The following NDC80 variants were observed in gnomAD, a reference collection of about 807,000 sequenced individuals.
NDC80 encodes the protein kinetochore protein NDC80 homolog.
NDC80 carries 69 observed loss-of-function variants against 89.3 expected under a neutral mutation model. The ratio of observed to expected loss-of-function variants is 0.77; its 90% confidence interval spans 0.64 to 0.94. The LOEUF is 0.94. Ranked by LOEUF, NDC80 falls within the 40% of genes least tolerant of loss-of-function variation. NDC80 has a pLI of 0.00. For synonymous variants in NDC80, 243 were observed against 255.6 expected (o/e 0.95, Z 0.47); for missense variants, 593 against 739.6 (o/e 0.80, Z 2.30).
intron 16 of NDC80, among the ~76,000 whole-genome samples, chr18:2,614,024 C>T (rs938534558): frequency 3.3e-5 from 5 of 152,162 alleles, no homozygotes; most frequent in Admixed American, 6.5e-5. Flanking sequence ...ATGTCATATT[C>T]CACACTTAAG....
rs535640111 is a variant in NDC80 at position 2,615,643 on chromosome 18, G to A, written c.1792-794G>A. On this transcript the variant is annotated intron_variant, in intron 16 of 16. Transcript: ENST00000261597. ...TGGAATTAGGGCATGGACATCTTTG[G>A]AAAGGCTATTACTCAGCCTACTATA... is the stretch of plus-strand genomic sequence containing the variant. Among the ~76,000 whole-genome samples the A allele has an allele frequency of 2.0e-5, 3 of 152,270 alleles. No individual in the cohort carries two copies. In the South Asian group the frequency reaches 6.2e-4, roughly 32 times the overall value.
intron 10 of NDC80, chr18:2,595,052 C>T (rs1467279414): frequency 6.6e-6 from 1 of 152,172 alleles, no homozygotes; most frequent in Non-Finnish European, 1.5e-5. Flanking sequence ...TATGAAGCCA[C>T]ATTTTTTTTT....
intron 13 of NDC80, among the ~76,000 whole-genome samples, 191 bp from the exon 14 acceptor site, chr18:2,606,224 G>A (rs2072710846): frequency 6.6e-6 from 1 of 151,818 alleles, no homozygotes; most frequent in South Asian, 2.1e-4. Flanking sequence ...CGTTAACTTT[G>A]AGGTTTCTTT....
intron 16 of NDC80, chr18:2,614,476 A>AAAGAAAGAAAGG (rs1555619297): frequency 1.4e-3 from 6 of 4,280 alleles, no homozygotes; most frequent in South Asian, 7.7e-3. Flanking sequence ...AGAAAGAAAG[A>AAAGAAAGAAAGG]AAGAAAGGAA....
chr18:2,616,398 AT>A (rs763331297), intron 16 of NDC80, 38 bp from the exon 17 acceptor site: 110 of 1,334,514 alleles, frequency 8.2e-5, no homozygotes, highest in Admixed American at 3.3e-4. Flanking sequence ...AAAGAAATTA[AT>A]TTTTTTTACT....
In NDC80 at chr18:2,587,832, G is replaced by A; in HGVS notation, c.672G>A (p.Leu224=). 1 of 1,612,164 alleles carries A rather than the reference G, an allele frequency of 6.2e-7. No individual in the cohort carries two copies. Among genetic ancestry groups the A allele is most frequent in the Non-Finnish European group, 8.5e-7 (1 of 1,178,440 alleles). ...ETEDGIMHNK[L]FLDYTIKCYE... ...CTAAAATCTGCTTAACCCCATAGTT[G>A]TTTTTGGACTACACCATAAAATGCT... Residue 224 remains leucine (L), a splice_region_variant and synonymous_variant, in exon 8 of 17, where the codon TTG becomes TTA. Coordinates refer to ENST00000261597, the MANE Select transcript of NDC80 (RefSeq NM_006101.3).
In NDC80 at chr18:2,614,629, GAAAGAAAGAAAGAAAGAAAGAAAGAAAT is replaced by G. The variant is rs1424065582; in HGVS notation, c.1792-1804_1792-1777del. Among the ~76,000 whole-genome samples, 193 of 26,678 alleles carry G rather than the reference GAAAGAAAGAAAGAAAGAAAGAAAGAAAT, an allele frequency of 7.2e-3. 56 individuals carry two copies. Among genetic ancestry groups the G allele is most frequent in the African/African-American group, 0.013 (140 of 10,904 alleles). The allele number at this position is 26,678 out of a possible 152,430, so 17.5% of individuals were successfully genotyped here. A position where few individuals can be genotyped will look rare whatever the true frequency, so the allele number is the denominator to read the frequency against. On this transcript the variant is annotated intron_variant, in intron 16 of 16. Coordinates refer to ENST00000261597, the MANE Select transcript of NDC80 (RefSeq NM_006101.3). ...AGAAAGAAAGAAAGAAAGAAAGAAA[GAAAGAAAGAAAGAAAGAAAGAAAGAAAT>G]AAATTTGGCAATCCGAAAAACCAAC...
At chr18:2,610,480 A>C (rs1163354656) in intron 15 of NDC80, among the ~76,000 whole-genome samples, 1 of 152,210 alleles carries the variant, frequency 6.6e-6, no homozygotes, top group Non-Finnish European at 1.5e-5. Flanking sequence ...TTGAGTTTAC[A>C]ATCCCTTTGG....
intron 16 of NDC80, chr18:2,615,258 T>C (rs563556337): frequency 4.6e-5 from 7 of 152,320 alleles, no homozygotes; most frequent in African/African-American, 9.6e-5. Context: ...ATGTAACAAA[T>C]TACCACCAAC....
At chr18:2,614,594 A>AAAGAAAGG (rs2072770433) in intron 16 of NDC80, 1 of 7,010 alleles carries the variant, frequency 1.4e-4, no homozygotes, top group African/African-American at 8.8e-4. Context: ...AGAAAGAAAG[A>AAAGAAAGG]AAGAAAGAAA....
At position 2,614,639 on chromosome 18, in the gene NDC80, A is replaced by AAGAAAGAAAG. The variant is rs1568016488; in HGVS notation, c.1792-1796_1792-1787dup. On this transcript the variant is annotated intron_variant, in intron 16 of 16. Transcript: ENST00000261597. The stretch of plus-strand genomic sequence containing the variant: ...AAAGAAAGAAAGAAAGAAAGAAAGA[A>AAGAAAGAAAG]AGAAAGAAAGAAAGAAATAAATTTG... Among the ~76,000 whole-genome samples the AAGAAAGAAAG allele has an allele frequency of 3.3e-5, 3 of 91,706 alleles. 1 individual carries two copies. Among genetic ancestry groups the AAGAAAGAAAG allele is most frequent in the Non-Finnish European group, 7.3e-5 (3 of 41,048 alleles). 60.2% of individuals were successfully genotyped at this position (91,706 alleles called of 152,430 possible).
Position 2,575,028 on chromosome 18 carries a change from A to T in NDC80, c.141A>T (p.Lys47Asn). ...KPTFGKLSIN[K>N]PTSERKVSLF... Reference sequence around the variant, plus strand: ...CCTTTGGAAAGTTGAGTATAAACAAACCGACATCTGAAAGAAAAGTCTCGC... The same window carrying T: ...CCTTTGGAAAGTTGAGTATAAACAATCCGACATCTGAAAGAAAAGTCTCGC... The change falls in exon 3 of 17, where the codon AAA (lysine) becomes AAT (asparagine). Residue 47 changes from lysine to asparagine, a missense_variant. By Grantham distance (94) the Lys-to-Asn change is moderately conservative. Transcript: ENST00000261597. The T allele has an allele frequency of 6.2e-7, 1 of 1,612,436 alleles. No homozygotes were observed. Among genetic ancestry groups the T allele is most frequent in the Non-Finnish European group, 8.5e-7 (1 of 1,179,050 alleles).
chr18:2,586,891 T>A (rs2072605232), intron 7 of NDC80, among the ~76,000 whole-genome samples: 1 of 152,208 alleles, frequency 6.6e-6, no homozygotes, highest in African/African-American at 2.4e-5. Context: ...TCAGAGTATC[T>A]GGCTTCACAA....
chr18:2,587,059 C>T (rs1416177370), intron 7 of NDC80, among the ~76,000 whole-genome samples: 1 of 152,172 alleles, frequency 6.6e-6, no homozygotes, highest in Non-Finnish European at 1.5e-5. Flanking sequence ...ATCAGTGATA[C>T]ACCTTTCCAG....
intron 3 of NDC80, among the ~76,000 whole-genome samples, 158 bp downstream of exon 3, chr18:2,575,224 C>T (rs2072540239): frequency 6.6e-6 from 1 of 152,218 alleles, no homozygotes; most frequent in Non-Finnish European, 1.5e-5. Context: ...TAGTTTACAT[C>T]TGCTGTAGAC....
chr18:2,574,623 T>G (rs2072536540), intron 2 of NDC80, among the ~76,000 whole-genome samples: 1 of 152,198 alleles, frequency 6.6e-6, no homozygotes, highest in South Asian at 2.1e-4. Context: ...CTTCAGGGTT[T>G]TTTTTTAACC....
chr18:2,602,759 A>T (rs908089110), intron 13 of NDC80, among the ~76,000 whole-genome samples: 1 of 152,168 alleles, frequency 6.6e-6, no homozygotes, highest in Non-Finnish European at 1.5e-5. Flanking sequence ...ATAGAGAAAA[A>T]GGCTGACATA....
rs55648444 is a variant in NDC80, at chr18:2,612,276, C to CTTTTTTTTTTTTTTTTTT, written c.1791+1431_1791+1448dup. ...TAGCACCTCTGACTTTCTTTTCTTTCTTTTTTTTTTTTTTTTTTTTTTTTT... is the reference window on the plus strand; with the variant it reads ...TAGCACCTCTGACTTTCTTTTCTTTCTTTTTTTTTTTTTTTTTTTTTTTTTTTTTTTTTTTTTTTTTTT... On this transcript the variant is annotated intron_variant, in intron 16 of 16. Coordinates refer to ENST00000261597, the MANE Select transcript of NDC80 (RefSeq NM_006101.3). Among the ~76,000 whole-genome samples the CTTTTTTTTTTTTTTTTTT allele has an allele frequency of 2.8e-4, 17 of 60,398 alleles. 1 individual carries two copies. The highest frequency in any genetic ancestry group is 5.2e-4 in the African/African-American group (8 of 15,512). 39.6% of individuals were successfully genotyped at this position (60,398 alleles called of 152,430 possible). A position where few individuals can be genotyped will look rare whatever the true frequency, so the allele number is the denominator to read the frequency against.
intron 6 of NDC80, chr18:2,582,531 A>G (rs905689950): frequency 6.6e-6 from 1 of 152,170 alleles, no homozygotes; most frequent in East Asian, 1.9e-4. Flanking sequence ...TTGCTTTATT[A>G]CAACTACTGT....
Sources: gnomAD v4.1 joint callset for allele counts (sites outside exome capture counted in the v4.1 genomes callset) on GRCh38, gnomAD v4.1.1 for gene constraint, MANE v1.5 for transcripts, NCBI Gene and HGNC (gene_info 2026-07-23, HGNC 2026-07-21) for gene names.